The following GPR160 variants were observed in gnomAD, a reference collection of about 807,000 sequenced individuals.
GPR160 encodes the protein probable G protein-coupled receptor 160.
Under a neutral mutation model 2.6 loss-of-function variants are expected in GPR160, and 2 were observed. The ratio of observed to expected loss-of-function variants is 0.77; its 90% confidence interval spans 0.32 to 2.44. GPR160 has a LOEUF of 2.44. GPR160 is among the 30% of genes most tolerant of loss of function. GPR160 has a pLI of 0.11. For missense variants in GPR160, 351 were observed against 383.6 expected, an observed-to-expected ratio of 0.91 and a Z score of 0.71; for synonymous variants, 130 against 132.2, an observed-to-expected ratio of 0.98 and a Z score of 0.12.
intron 2 of GPR160, among the ~76,000 whole-genome samples, chr3:170,054,797 CT>C (rs200685228): frequency 0.14 from 19,752 of 143,078 alleles, 1,299 homozygotes; most frequent in East Asian, 0.26. Context: ...AATTTCTTTT[CT>C]TTTTTTTTTT....
chr3:170,045,287 G>A (rs987793105), intron 2 of GPR160, among the ~76,000 whole-genome samples: 24 of 151,562 alleles, frequency 1.6e-4, no homozygotes, highest in Non-Finnish European at 8.8e-5. Flanking sequence ...AGTTCAGGCC[G>A]AGCATGGTGG....
intron 2 of GPR160, among the ~76,000 whole-genome samples, chr3:170,073,029 T>A (rs965318132): frequency 6.6e-6 from 1 of 151,778 alleles, no homozygotes; most frequent in Non-Finnish European, 1.5e-5. Flanking sequence ...AAATAAAAAA[T>A]TTTAAAAACT....
intron 2 of GPR160, among the ~76,000 whole-genome samples, chr3:170,041,826 C>A (rs1227009967): frequency 6.6e-6 from 1 of 152,188 alleles, no homozygotes; most frequent in African/African-American, 2.4e-5. Context: ...CTCTCTAGTT[C>A]CCTAAAAGCA....
At chr3:170,066,808 T>A (rs893345973) in intron 2 of GPR160, among the ~76,000 whole-genome samples, 11 of 152,208 alleles carry the variant, frequency 7.2e-5, no homozygotes, top group African/African-American at 2.7e-4. Context: ...TATGTATGTT[T>A]GTAATTTTGA....
intron 2 of GPR160, among the ~76,000 whole-genome samples, chr3:170,042,843 A>G (rs1365253622): frequency 6.7e-6 from 1 of 149,584 alleles, no homozygotes; most frequent in Non-Finnish European, 1.5e-5. Context: ...AAAAAAAAAA[A>G]AAAAAAGAAT....
chr3:170,071,042 G>A (rs561840275), intron 2 of GPR160, among the ~76,000 whole-genome samples: 3 of 152,204 alleles, frequency 2.0e-5, no homozygotes, highest in East Asian at 3.9e-4. Context: ...GATTTCTACC[G>A]ATAGTCTCTC....
intron 2 of GPR160, among the ~76,000 whole-genome samples, chr3:170,044,520 G>A (rs543053669): frequency 6.6e-6 from 1 of 152,214 alleles, no homozygotes; most frequent in Non-Finnish European, 1.5e-5. Context: ...AATGGAGTAG[G>A]TGTGGGCAGG....
intron 2 of GPR160, chr3:170,062,370 T>A: frequency 3.0e-6 from 1 of 329,376 alleles, no homozygotes; most frequent in Non-Finnish European, 5.8e-6. Context: ...GGAGAATGTA[T>A]GTCCTGGCAA....
chr3:170,061,939 G>A (rs557758092), intron 2 of GPR160, among the ~76,000 whole-genome samples: 49 of 152,066 alleles, frequency 3.2e-4, no homozygotes, highest in African/African-American at 1.1e-3. Context: ...GCTTGAGGCC[G>A]GCAGTTTGAG....
intron 2 of GPR160, among the ~76,000 whole-genome samples, chr3:170,043,593 A>T (rs1002635479): frequency 6.6e-6 from 1 of 152,212 alleles, no homozygotes; most frequent in Non-Finnish European, 1.5e-5. Flanking sequence ...TCTTGCAGCT[A>T]GATTCAAACT....
At chr3:170,069,937 C>G (rs964648883) in intron 2 of GPR160, among the ~76,000 whole-genome samples, 2 of 152,034 alleles carry the variant, frequency 1.3e-5, no homozygotes, top group Non-Finnish European at 2.9e-5. Flanking sequence ...CTGTAGATGG[C>G]TGTCTTCTCG....
chr3:170,042,338 T>A (rs1050059456), intron 2 of GPR160, among the ~76,000 whole-genome samples: 1 of 151,110 alleles, frequency 6.6e-6, no homozygotes, highest in Non-Finnish European at 1.5e-5. Flanking sequence ...GGAGGATTGC[T>A]TGAGCCTGGG....
At chr3:170,079,459 G>A (rs1229647179) in intron 2 of GPR160, among the ~76,000 whole-genome samples, 1 of 152,084 alleles carries the variant, frequency 6.6e-6, no homozygotes, top group Non-Finnish European at 1.5e-5. Context: ...ATGCATCAAG[G>A]GTCAAAGGGT....
chr3:170,077,411 G>A (rs1274573076), intron 2 of GPR160: 1 of 152,160 alleles, frequency 6.6e-6, no homozygotes, highest in East Asian at 1.9e-4. Flanking sequence ...AAATGTAGAT[G>A]TATAGGTAAT....
Position 170,038,611 on chromosome 3 carries a change from T to C in GPR160, c.-321-304T>C, listed in dbSNP as rs944315455. On this transcript the variant is annotated intron_variant, in intron 1 of 3. Coordinates refer to ENST00000355897, the MANE Select transcript of GPR160 (RefSeq NM_014373.3). The surrounding 1 kb of genome is among the most constrained non-coding windows in gnomAD (Gnocchi z 5.3). ...TATAGAAATGGGTGTATGCAACTCT[T>C]CGCTCTTTCCTGGCGCCCAGAGGTG... is the stretch of plus-strand genomic sequence containing the variant. 7.2e-5 allele frequency: 11 copies of C among 151,930 alleles called. No individual in the cohort carries two copies. The highest frequency in any genetic ancestry group is 3.3e-4 in the Admixed American group (5 of 15,266). 9.4% of individuals were successfully genotyped at this position (151,930 alleles called of 1,614,324 possible). A position where few individuals can be genotyped will look rare whatever the true frequency, so the allele number is the denominator to read the frequency against.
intron 3 of GPR160, among the ~76,000 whole-genome samples, chr3:170,082,302 G>A (rs1248086482): frequency 6.6e-6 from 1 of 152,072 alleles, no homozygotes; most frequent in Non-Finnish European, 1.5e-5. Flanking sequence ...AATTCACAAG[G>A]CTTAAAATTT....
chr3:170,080,970 G>C (rs1338081003), intron 3 of GPR160, among the ~76,000 whole-genome samples: 1 of 152,150 alleles, frequency 6.6e-6, no homozygotes, highest in Non-Finnish European at 1.5e-5. Flanking sequence ...CAATGTGCTA[G>C]GATTACAGGC....
intron 2 of GPR160, among the ~76,000 whole-genome samples, chr3:170,047,835 C>CTTT (rs1225615379): frequency 0.014 from 1,722 of 125,050 alleles, 98 homozygotes; most frequent in African/African-American, 0.052. Context: ...GGACATTATT[C>CTTT]TTTTTTTTTT....
At chr3:170,070,990 A>G (rs1712560876) in intron 2 of GPR160, among the ~76,000 whole-genome samples, 1 of 152,192 alleles carries the variant, frequency 6.6e-6, no homozygotes, top group African/African-American at 2.4e-5. Context: ...TTTCATCTCT[A>G]CAGAACATTG....
Sources: allele counts gnomAD v4.1 joint callset (sites outside exome capture counted in the v4.1 genomes callset), GRCh38; gene constraint gnomAD v4.1.1; non-coding constraint Gnocchi (gnomAD v3.1); transcripts MANE v1.5; gene names NCBI Gene and HGNC (gene_info 2026-07-23, HGNC 2026-07-21).